Variants in NAPG observed in about 807,000 individuals in gnomAD.
NAPG encodes gamma-soluble NSF attachment protein.
NAPG carries 25 observed loss-of-function variants against 48.4 expected under a neutral mutation model. The ratio of observed to expected loss-of-function variants is 0.52; its 90% confidence interval spans 0.38 to 0.72. The LOEUF is 0.72. Among genes scored for constraint, NAPG ranks in the 30% least tolerant of loss-of-function variants. The probability of loss-of-function intolerance (pLI) is 0.00; values close to 1 mark genes in which losing one functional copy is unlikely to be tolerated. For synonymous variants in NAPG, 139 were observed against 127.2 expected (o/e 1.09, Z -0.62); for missense variants, 359 against 372.5 (o/e 0.96, Z 0.30).
chr18:10,529,935 C>T (rs148893340), intron 1 of NAPG, among the ~76,000 whole-genome samples: 1 of 152,210 alleles, frequency 6.6e-6, no homozygotes, highest in Admixed American at 6.5e-5. Context: ...TTAGAATTTA[C>T]GATGGTTTGG....
chr18:10,540,509 A>G (rs2032133289), intron 8 of NAPG, 110 bp downstream of exon 8: 2 of 766,214 alleles, frequency 2.6e-6, no homozygotes, highest in Admixed American at 4.6e-5. Flanking sequence ...TAAGCTGTAG[A>G]CACACCAGGC....
rs1319109376 is a variant in NAPG at position 10,548,445 on chromosome 18, T to G, written c.665+67T>G. ...CCTCTGTGTCTACAACTAAGATTGC[T>G]GCTAGGACACATGTTCCTGGCCATG... On this transcript the variant is annotated intron_variant, in intron 10 of 11. Transcript: ENST00000322897. This position sits in a 1 kb window ranked among gnomAD's most constrained non-coding sequence, Gnocchi z 4.4. 1 of 1,246,066 alleles carries G rather than the reference T, an allele frequency of 8.0e-7. No individual in the cohort carries two copies. Among genetic ancestry groups the G allele is most frequent in the Non-Finnish European group, 1.2e-6 (1 of 852,024 alleles). 77.2% of individuals were successfully genotyped at this position (1,246,066 alleles called of 1,614,324 possible).
intron 1 of NAPG, among the ~76,000 whole-genome samples, chr18:10,529,225 A>C (rs904225054): frequency 6.6e-6 from 1 of 152,184 alleles, no homozygotes; most frequent in Non-Finnish European, 1.5e-5. Context: ...TAATATACAG[A>C]ATGTAATGTT....
At position 10,546,250 on chromosome 18, in the gene NAPG, C is replaced by T; in HGVS notation, c.507-76C>T. On this transcript the variant is annotated intron_variant, in intron 8 of 11. Transcript: ENST00000322897. This position sits in a 1 kb window ranked among gnomAD's most constrained non-coding sequence, Gnocchi z 4.0. ...CTGGTGTCTCTACAATCTATGATGT[C>T]AAGTACATTTCACAGGGGACCTCTG... 3.3e-6 allele frequency: 3 copies of T among 896,510 alleles called. No homozygotes were observed. The highest frequency in any genetic ancestry group is 5.0e-6 in the Non-Finnish European group (3 of 597,774). The allele number at this position is 896,510 out of a possible 1,614,324, so 55.5% of individuals were successfully genotyped here. A position where few individuals can be genotyped will look rare whatever the true frequency, so the allele number is the denominator to read the frequency against.
At position 10,534,804 on chromosome 18, in the gene NAPG, T is replaced by C. The variant is rs2031999143; in HGVS notation, c.258+308T>C. On this transcript the variant is annotated intron_variant, in intron 5 of 11. Transcript: ENST00000322897. This position sits in a 1 kb window ranked among gnomAD's most constrained non-coding sequence, Gnocchi z 5.0. ...AGCTCTATGGGAAGTTTCTCTACTTTTGAGAAGGACATCTAAATGTAGTAA... is the reference window on the plus strand; with the variant it reads ...AGCTCTATGGGAAGTTTCTCTACTTCTGAGAAGGACATCTAAATGTAGTAA... Among the ~76,000 whole-genome samples the C allele has an allele frequency of 6.6e-6, 1 of 152,234 alleles. No homozygotes were observed. Among genetic ancestry groups the C allele is most frequent in the South Asian group, 2.1e-4 (1 of 4,834 alleles).
At chr18:10,547,061 T>G (rs2032282693) in intron 9 of NAPG, among the ~76,000 whole-genome samples, 1 of 152,192 alleles carries the variant, frequency 6.6e-6, no homozygotes, top group South Asian at 2.1e-4. Flanking sequence ...CACACAAGTC[T>G]TGGGTTTACT....
At chr18:10,537,381 G>A (rs766321752) in intron 5 of NAPG, among the ~76,000 whole-genome samples, 4 of 152,158 alleles carry the variant, frequency 2.6e-5, no homozygotes, top group Middle Eastern at 3.2e-3. Context: ...TAAGAAAATC[G>A]TAAGGAAGAG....
Position 10,532,003 on chromosome 18 carries a change from T to C in NAPG, c.125-708T>C, listed in dbSNP as rs539420462. On this transcript the variant is annotated intron_variant, in intron 2 of 11. Transcript: ENST00000322897. ...TTATTAAAGAGAATTTTAAGAGTGT[T>C]TTTAACAAATAGCACTTTTCTTAAA... 3.9e-5 allele frequency among the ~76,000 whole-genome samples: 6 copies of C among 152,324 alleles called. No homozygotes were observed. The East Asian group carries it at 1.2e-3, about 29-fold the overall frequency.
intron 4 of NAPG, 139 bp downstream of exon 4, chr18:10,533,692 T>C (rs1342862370): frequency 1.4e-6 from 1 of 691,254 alleles, no homozygotes; most frequent in East Asian, 3.1e-5. Context: ...CTTCAGTTTT[T>C]ACCTAAACCT....
chr18:10,539,864 G>T lies in NAPG; in HGVS notation c.361G>T (p.Ala121Ser). 6.2e-7 allele frequency: 1 copy of T among 1,613,932 alleles called. No homozygotes were observed. Among genetic ancestry groups the T allele is most frequent in the African/African-American group, 1.3e-5 (1 of 75,032 alleles). Residue 121 changes from alanine to serine, a missense_variant, in exon 6 of 12, where the codon GCT becomes TCT. Coordinates refer to ENST00000322897, the MANE Select transcript of NAPG (RefSeq NM_003826.3). This position sits in a 1 kb window ranked among gnomAD's most constrained non-coding sequence, Gnocchi z 4.7. Reference protein sequence around the residue: ...PDTAAMALERAGKLIENVDPE... With the variant: ...PDTAAMALERSGKLIENVDPE... ...CACAGCAGCCATGGCTTTGGAGCGA[G>T]CTGGAAAGTGAGTGTGAGATGGACA... is the stretch of plus-strand genomic sequence containing the variant.
rs2032095544 is a variant in NAPG, at chr18:10,539,190, A to G, written c.259-572A>G. 6.6e-6 allele frequency: 1 copy of G among 152,426 alleles called. No individual in the cohort carries two copies. Among genetic ancestry groups the G allele is most frequent in the South Asian group, 2.1e-4 (1 of 4,840 alleles). 9.4% of individuals were successfully genotyped at this position (152,426 alleles called of 1,614,324 possible). ...AACATAAATCATTCTATAGAAACGT[A>G]TGTTTATACAGTAAACACGTATGTT... is the stretch of plus-strand genomic sequence containing the variant. On this transcript the variant is annotated intron_variant, in intron 5 of 11. Coordinates refer to ENST00000322897, the MANE Select transcript of NAPG (RefSeq NM_003826.3). The surrounding 1 kb of genome is among the most constrained non-coding windows in gnomAD (Gnocchi z 4.7).
At position 10,538,118 on chromosome 18, in the gene NAPG, GAT is replaced by G. The variant is rs1567890594; in HGVS notation, c.259-1641_259-1640del. Among the ~76,000 whole-genome samples, 5 of 152,032 alleles carry G rather than the reference GAT, an allele frequency of 3.3e-5. 1 individual carries two copies. In the South Asian group the frequency reaches 1.0e-3, roughly 31 times the overall value. On this transcript the variant is annotated intron_variant, in intron 5 of 11. Transcript: ENST00000322897. ...TTATTTTTAAAATGTTTGATTTGGA[GAT>G]ATTAGACATTAGGACTGCATGATCC...
At chr18:10,527,450 C>CT (rs1286748767) in intron 1 of NAPG, among the ~76,000 whole-genome samples, 2 of 152,158 alleles carry the variant, frequency 1.3e-5, no homozygotes, top group East Asian at 3.9e-4. Context: ...GTGTAAGGTG[C>CT]TGGGGCTCTC....
chr18:10,552,145 TG>T lies in NAPG; in HGVS notation c.*1930del, dbSNP rs780826500. Reference sequence around the variant, plus strand: ...ATAGATCATATTACCCATTAAAGTCTGGGGGAAAAAATTTTTTAATTTTACT... The same window carrying T: ...ATAGATCATATTACCCATTAAAGTCTGGGGAAAAAATTTTTTAATTTTACT... On this transcript the variant is annotated 3_prime_UTR_variant, in exon 12 of 12. Transcript: ENST00000322897. 6.6e-6 allele frequency: 1 copy of T among 152,198 alleles called. No individual in the cohort carries two copies. The highest frequency in any genetic ancestry group is 2.4e-5 in the African/African-American group (1 of 41,444). 9.4% of individuals were successfully genotyped at this position (152,198 alleles called of 1,614,324 possible).
chr18:10,534,630 A>T lies in NAPG; in HGVS notation c.258+134A>T, dbSNP rs1216723583. 22 of 743,454 alleles carry T rather than the reference A, an allele frequency of 3.0e-5. No homozygotes were observed. The East Asian group carries it at 5.7e-4, about 19-fold the overall frequency. The allele number at this position is 743,454 out of a possible 1,614,324, so 46.1% of individuals were successfully genotyped here. A position where few individuals can be genotyped will look rare whatever the true frequency, so the allele number is the denominator to read the frequency against. On this transcript the variant is annotated intron_variant, in intron 5 of 11. Coordinates refer to ENST00000322897, the MANE Select transcript of NAPG (RefSeq NM_003826.3). This position sits in a 1 kb window ranked among gnomAD's most constrained non-coding sequence, Gnocchi z 5.0. ...GGTGCTAAGTTAAGATTTTCTGTCC[A>T]CGGTAACGTTAATTGGACCCATAGA... is the stretch of plus-strand genomic sequence containing the variant.
rs2032325254 is a variant in NAPG, at chr18:10,548,927, TA to T, written c.666-38del. 1 of 1,599,892 alleles carries T rather than the reference TA, an allele frequency of 6.3e-7. No individual in the cohort carries two copies. Among genetic ancestry groups the T allele is most frequent in the Admixed American group, 1.7e-5 (1 of 58,808 alleles). ...CATCCCTGCCTGAGATGTGTTCTTT[TA>T]AGGAGAAGGTGAAGACGTGTGATTT... On this transcript the variant is annotated intron_variant, in intron 10 of 11. Transcript: ENST00000322897. The surrounding 1 kb of genome is among the most constrained non-coding windows in gnomAD (Gnocchi z 4.4).
At position 10,539,387 on chromosome 18, in the gene NAPG, T is replaced by G. The variant is rs547237743; in HGVS notation, c.259-375T>G. 278 of 193,308 alleles carry G rather than the reference T, an allele frequency of 1.4e-3. 1 individual carries two copies. Among genetic ancestry groups the G allele is most frequent in the Middle Eastern group, 0.011 (5 of 450 alleles). 12.0% of individuals were successfully genotyped at this position (193,308 alleles called of 1,614,324 possible). A position where few individuals can be genotyped will look rare whatever the true frequency, so the allele number is the denominator to read the frequency against. On this transcript the variant is annotated intron_variant, in intron 5 of 11. Transcript: ENST00000322897. The surrounding 1 kb of genome is among the most constrained non-coding windows in gnomAD (Gnocchi z 4.7). ...CATGGATGAAGCTGGAAGCCATCAT[T>G]CTTGGCAAACTAACAAACACAGGAA...
In NAPG at chr18:10,533,564, T is replaced by C. The variant is rs1203494685; in HGVS notation, c.227+11T>C. On this transcript the variant is annotated intron_variant, in intron 4 of 11. Transcript: ENST00000322897. ...TTTTCATGCTGCCAAGTAAGTATTC[T>C]TCATGTTTTCATGTATTTGCAAATT... The C allele has an allele frequency of 6.3e-7, 1 of 1,594,182 alleles. No homozygotes were observed. The highest frequency in any genetic ancestry group is 8.5e-7 in the Non-Finnish European group (1 of 1,171,522).
At position 10,546,363 on chromosome 18, in the gene NAPG, A is replaced by G. The variant is rs545640869; in HGVS notation, c.544A>G (p.Asn182Asp). 1.3e-5 allele frequency: 20 copies of G among 1,578,410 alleles called. No homozygotes were observed. In the South Asian group the frequency reaches 2.2e-4, roughly 17 times the overall value. The change falls in exon 9 of 12, where the codon AAT becomes GAT. Residue 182 changes from asparagine (N) to aspartate (D), a missense_variant. Physicochemically the swap from Asn to Asp is conservative, Grantham distance 23 (BLOSUM62 1). Transcript: ENST00000322897. The surrounding 1 kb of genome is among the most constrained non-coding windows in gnomAD (Gnocchi z 4.0). ...EAALSIQKEK[N>D]IYKEIENYPT... ...GGCACTCTCTATTCAGAAAGAAAAA[A>G]ATATTTATAAGGAAATTGAGAATTA...
Sources: allele counts gnomAD v4.1 joint callset (sites outside exome capture counted in the v4.1 genomes callset), GRCh38; gene constraint gnomAD v4.1.1; non-coding constraint Gnocchi (gnomAD v3.1); transcripts MANE v1.5; gene names NCBI Gene and HGNC (gene_info 2026-07-23, HGNC 2026-07-21).